Variants in HSPA12A observed in about 807,000 individuals in gnomAD.
The protein encoded by HSPA12A is heat shock protein family A (Hsp70) member 12A.
In HSPA12A, 28 loss-of-function variants were observed where a neutral mutation model predicts 69.2. That is an observed-to-expected ratio of 0.40 (90% CI 0.30 to 0.55). HSPA12A has a LOEUF of 0.55. HSPA12A is among the 20% of genes least tolerant of loss of function. The pLI is 0.38. For missense variants in HSPA12A, 686 were observed against 900.7 expected (o/e 0.76, Z 3.05); for synonymous variants, 345 against 370.5 (o/e 0.93, Z 0.79).
Position 116,742,532 on chromosome 10 carries a change from CTG to C in HSPA12A, c.-65_-64del. 8.4e-7 allele frequency: 1 copy of C among 1,194,900 alleles called. No homozygotes were observed. The highest frequency in any genetic ancestry group is 1.0e-6 in the Non-Finnish European group (1 of 963,946). The allele number at this position is 1,194,900 out of a possible 1,614,324, so 74.0% of individuals were successfully genotyped here. A position where few individuals can be genotyped will look rare whatever the true frequency, so the allele number is the denominator to read the frequency against. On this transcript the variant is annotated 5_prime_UTR_variant, in exon 1 of 12. Coordinates refer to ENST00000369209, the MANE Select transcript of HSPA12A (RefSeq NM_025015.3). The stretch of plus-strand genomic sequence containing the variant: ...GCAGCGCCCGTGCCCGTGCGGGTCT[CTG>C]TCCGCGTCCGCGGCGGCGCTCGGGC...
intron 1 of HSPA12A, among the ~76,000 whole-genome samples, chr10:116,840,006 C>T (rs886260568): frequency 1.3e-5 from 2 of 151,816 alleles, no homozygotes; most frequent in African/African-American, 2.4e-5. Context: ...AGCATACATA[C>T]GGACGGGAAA....
chr10:116,722,899 G>T (rs1279999540), intron 1 of HSPA12A, among the ~76,000 whole-genome samples: 3 of 152,170 alleles, frequency 2.0e-5, no homozygotes, highest in Non-Finnish European at 4.4e-5. Flanking sequence ...GTGGGGGAAG[G>T]TAGCTCCAGG....
upstream of HSPA12A, among the ~76,000 whole-genome samples, chr10:116,746,344 G>C (rs1451156930): frequency 6.6e-6 from 1 of 152,358 alleles, no homozygotes; most frequent in East Asian, 1.9e-4. Context: ...GCACAGCATG[G>C]GTAGGGGAGG....
At chr10:116,741,518 C>T (rs1162829681) in intron 1 of HSPA12A, among the ~76,000 whole-genome samples, 1 of 152,202 alleles carries the variant, frequency 6.6e-6, no homozygotes, top group Non-Finnish European at 1.5e-5. Context: ...GTCAGGGACG[C>T]GCGGCGCCTC....
rs2132995348 is a variant in HSPA12A at position 116,710,680 on chromosome 10, G to GA, written c.41-3396dup. Reference sequence around the variant, plus strand: ...AATTCAGCTACACTGTGCAATGATTGAAAACTGATCTGCACAGAAGGTATG... The same window carrying GA: ...AATTCAGCTACACTGTGCAATGATTGAAAAACTGATCTGCACAGAAGGTATG... On this transcript the variant is annotated intron_variant, in intron 1 of 11. Transcript: ENST00000369209. The surrounding 1 kb of genome is among the most constrained non-coding windows in gnomAD (Gnocchi z 4.1). Among the ~76,000 whole-genome samples, 2 of 152,284 alleles carry GA rather than the reference G, an allele frequency of 1.3e-5. No homozygotes were observed. The highest frequency in any genetic ancestry group is 3.9e-4 in the East Asian group (2 of 5,182).
upstream of HSPA12A, among the ~76,000 whole-genome samples, chr10:116,743,139 G>C (rs12245518): frequency 0.52 from 78,974 of 152,140 alleles, 21,424 homozygotes; most frequent in South Asian, 0.69. Flanking sequence ...GGCCGCCTGC[G>C]GGACTCCATG....
chr10:116,811,785 G>C (rs1387313449), intron 2 of HSPA12A, among the ~76,000 whole-genome samples: 1 of 152,110 alleles, frequency 6.6e-6, no homozygotes, highest in African/African-American at 2.4e-5. Context: ...TCAACTGGTT[G>C]TAATAGCAAT....
chr10:116,809,761 G>A (rs1016950344), intron 2 of HSPA12A, among the ~76,000 whole-genome samples: 2 of 152,222 alleles, frequency 1.3e-5, no homozygotes, highest in African/African-American at 2.4e-5. Flanking sequence ...TACTGCATCT[G>A]CTCCAAAGGA....
intron 1 of HSPA12A, among the ~76,000 whole-genome samples, chr10:116,837,865 G>A (rs538907555): frequency 1.3e-5 from 2 of 151,552 alleles, no homozygotes; most frequent in East Asian, 1.9e-4. Context: ...ACTGATTCCC[G>A]AATATGAAGA....
intron 2 of HSPA12A, among the ~76,000 whole-genome samples, chr10:116,818,169 G>A (rs945858172): frequency 1.3e-5 from 2 of 152,182 alleles, no homozygotes; most frequent in African/African-American, 4.8e-5. Context: ...TGAGAACTTG[G>A]ATGGTTCTCC....
At chr10:116,772,478 T>C (rs1252321876) in intron 2 of HSPA12A, among the ~76,000 whole-genome samples, 1 of 152,152 alleles carries the variant, frequency 6.6e-6, no homozygotes, top group African/African-American at 2.4e-5. Context: ...AGGAAGATGC[T>C]TTCAGGGAAT....
chr10:116,723,788 G>A lies in HSPA12A; in HGVS notation c.41-16503C>T, dbSNP rs1307224888. Among the ~76,000 whole-genome samples, 14 of 152,136 alleles carry A rather than the reference G, an allele frequency of 9.2e-5. No individual in the cohort carries two copies. The highest frequency in any genetic ancestry group is 3.4e-4 in the African/African-American group (14 of 41,448). On this transcript the variant is annotated intron_variant, in intron 1 of 11. Transcript: ENST00000369209. This position sits in a 1 kb window ranked among gnomAD's most constrained non-coding sequence, Gnocchi z 4.1. ...GCTCCTGCAGTCAGCCTCTCCACCC[G>A]TTCCTTAGATCCCGGCTGCTTCCAG...
intron 2 of HSPA12A, among the ~76,000 whole-genome samples, chr10:116,789,355 C>T (rs1479928101): frequency 1.3e-5 from 2 of 151,612 alleles, no homozygotes; most frequent in South Asian, 2.1e-4. Flanking sequence ...TATGTATATG[C>T]CTGTGTCTGA....
At chr10:116,849,361 C>T (rs1209678042) in intron 1 of HSPA12A, among the ~76,000 whole-genome samples, 2 of 152,236 alleles carry the variant, frequency 1.3e-5, no homozygotes, top group African/African-American at 4.8e-5. Flanking sequence ...ACCCCCGGAC[C>T]TAATGCCGCA....
intron 1 of HSPA12A, among the ~76,000 whole-genome samples, chr10:116,728,319 C>CT (rs11418452): frequency 0.69 from 105,104 of 151,982 alleles, 36,867 homozygotes; most frequent in Middle Eastern, 0.87. Flanking sequence ...GCATTTTCTA[C>CT]TAATGATATT....
intron 2 of HSPA12A, among the ~76,000 whole-genome samples, chr10:116,777,241 C>A (rs573853440): frequency 6.6e-6 from 1 of 152,334 alleles, no homozygotes; most frequent in South Asian, 2.1e-4. Context: ...CCATTTATGC[C>A]CCTTGGGAAC....
intron 3 of HSPA12A, among the ~76,000 whole-genome samples, chr10:116,701,532 G>T (rs1850076845): frequency 6.6e-6 from 1 of 152,224 alleles, no homozygotes; most frequent in Admixed American, 6.5e-5. Flanking sequence ...AAACAAGGTA[G>T]GTATAGACAA....
Position 116,722,379 on chromosome 10 carries a change from C to T in HSPA12A, c.41-15094G>A, listed in dbSNP as rs112031864. On this transcript the variant is annotated intron_variant, in intron 1 of 11. Transcript: ENST00000369209. ...GGAGCTCGTGCTAGGGACACCCACA[C>T]GAGCCCACGGCTCCAACCAACCCTT... Among the ~76,000 whole-genome samples the T allele has an allele frequency of 3.3e-5, 5 of 152,296 alleles. No individual in the cohort carries two copies. The East Asian group carries it at 5.8e-4, about 18-fold the overall frequency.
chr10:116,823,438 C>T lies in HSPA12A; in HGVS notation c.91+11497G>A, dbSNP rs547032093. Among the ~76,000 whole-genome samples the T allele has an allele frequency of 3.3e-5, 5 of 152,188 alleles. 1 individual carries two copies. The highest frequency in any genetic ancestry group is 9.6e-5 in the African/African-American group (4 of 41,520). On this transcript the variant is annotated intron_variant, in intron 2 of 12. Transcript: ENST00000635765. ...AGAAATGCAAGGGACACAGAATAAA[C>T]AAAACAATTTTGAAAAAGAAGAACA...
Sources: allele counts gnomAD v4.1 joint callset (sites outside exome capture counted in the v4.1 genomes callset), GRCh38; gene constraint gnomAD v4.1.1; non-coding constraint Gnocchi (gnomAD v3.1); transcripts MANE v1.5; gene names NCBI Gene and HGNC (gene_info 2026-07-23, HGNC 2026-07-21).